VIPR1: variants seen among roughly 807,000 people sequenced by gnomAD.
VIPR1 encodes the protein vasoactive intestinal peptide receptor 1, also known as vasoactive intestinal polypeptide receptor 1.
VIPR1 carries 59 observed loss-of-function variants against 58.8 expected under a neutral mutation model. That is an observed-to-expected ratio of 1.00 (90% confidence interval 0.81 to 1.25). The LOEUF is 1.25. Among genes scored for constraint, VIPR1 ranks in the 50% most tolerant of loss-of-function variants. The pLI is 0.00. For missense variants in VIPR1, 626 were observed against 602.7 expected (o/e 1.04, Z -0.40); for synonymous variants, 251 against 242.1 (o/e 1.04, Z -0.34).
At chr3:42,490,120 G>A (rs1254947547) in intron 1 of VIPR1, among the ~76,000 whole-genome samples, 1 of 152,088 alleles carries the variant, frequency 6.6e-6, no homozygotes, top group Non-Finnish European at 1.5e-5. Flanking sequence ...CCCAGGGCAG[G>A]AGTTCAGCTT....
At chr3:42,499,270 C>T (rs1577192979), upstream of VIPR1, among the ~76,000 whole-genome samples, 1 of 152,216 alleles carries the variant, frequency 6.6e-6, no homozygotes, top group Admixed American at 6.5e-5. Flanking sequence ...AACCTCACCA[C>T]CATGGAGCCC....
chr3:42,505,927 C>T (rs554422068), intron 1 of VIPR1, among the ~76,000 whole-genome samples: 2 of 152,274 alleles, frequency 1.3e-5, no homozygotes, highest in East Asian at 3.9e-4. Context: ...CCCTGGAGCA[C>T]CAGGGTCTCT....
intron 1 of VIPR1, among the ~76,000 whole-genome samples, chr3:42,511,115 T>C (rs1235141968): frequency 2.0e-5 from 3 of 152,166 alleles, no homozygotes; most frequent in South Asian, 2.1e-4. Context: ...CATCAGCTCA[T>C]GTTGCTAGCA....
intron 1 of VIPR1, among the ~76,000 whole-genome samples, chr3:42,505,479 C>T (rs1227142663): frequency 6.6e-6 from 1 of 152,246 alleles, no homozygotes; most frequent in Non-Finnish European, 1.5e-5. Context: ...CAGAGGCGGA[C>T]CACAGCTGCC....
At position 42,492,968 on chromosome 3, in the gene VIPR1, G is replaced by A. The variant is rs137868745; in HGVS notation, c.-245+3290G>A. On this transcript the variant is annotated intron_variant, in intron 1 of 13. Coordinates refer to the VIPR1 transcript ENST00000433647. ...GCAGAACCAGCAACCAATGGAGGGC[G>A]AGAAGGAAGGAGATCTCTAACATTT... 3.7e-4 allele frequency among the ~76,000 whole-genome samples: 56 copies of A among 152,372 alleles called. No individual in the cohort carries two copies. In the East Asian group the frequency reaches 7.7e-3, roughly 21 times the overall value.
At chr3:42,511,786 C>T (rs1367584222) in intron 1 of VIPR1, 1 of 152,122 alleles carries the variant, frequency 6.6e-6, no homozygotes, top group Admixed American at 6.5e-5. Context: ...TAGCCAGTAC[C>T]CAGATTCCTC....
chr3:42,499,225 GT>G (rs1429010662), upstream of VIPR1, among the ~76,000 whole-genome samples: 2 of 107,078 alleles, frequency 1.9e-5, no homozygotes, highest in Non-Finnish European at 4.6e-5. Context: ...AGGCCACTCT[GT>G]GGCCCCCCCA....
At chr3:42,535,297 G>A in intron 11 of VIPR1, 46 bp from the exon 12 acceptor site, 3 of 1,611,078 alleles carry the variant, frequency 1.9e-6, no homozygotes, top group Non-Finnish European at 2.5e-6. Flanking sequence ...AGGGCTGGGG[G>A]CTTCTGGTCT....
At position 42,536,314 on chromosome 3, in the gene VIPR1, TC is replaced by T; in HGVS notation, c.*36del. 6.8e-7 allele frequency: 1 copy of T among 1,475,936 alleles called. No homozygotes were observed. Among genetic ancestry groups the T allele is most frequent in the Non-Finnish European group, 9.0e-7 (1 of 1,117,148 alleles). The allele number at this position is 1,475,936 out of a possible 1,614,324, so 91.4% of individuals were successfully genotyped here. The stretch of plus-strand genomic sequence containing the variant: ...GATCCCAGGGGCCCAAGGCGGCCCC[TC>T]CCGCCCCTTCCCACTCACCCCGGCA... On this transcript the variant is annotated 3_prime_UTR_variant, in exon 13 of 13. Transcript: ENST00000325123.
At chr3:42,508,882 T>C (rs1158053160) in intron 1 of VIPR1, 1 of 152,226 alleles carries the variant, frequency 6.6e-6, no homozygotes, top group Non-Finnish European at 1.5e-5. Context: ...GCTTTCTCTC[T>C]GGCTCCTCCA....
intron 2 of VIPR1, among the ~76,000 whole-genome samples, chr3:42,515,443 C>A (rs1365566790): frequency 6.6e-6 from 1 of 152,218 alleles, no homozygotes; most frequent in African/African-American, 2.4e-5. Flanking sequence ...TGCAGACAGG[C>A]TTTGGCAGGC....
At chr3:42,532,739 G>A (rs1181688500) in intron 10 of VIPR1, 4 of 253,050 alleles carry the variant, frequency 1.6e-5, no homozygotes, top group Non-Finnish European at 3.1e-5. Context: ...GTCCACCAAT[G>A]AGACAGCCAT....
At chr3:42,497,293 C>T (rs1364608870) in intron 1 of VIPR1, among the ~76,000 whole-genome samples, 1 of 152,168 alleles carries the variant, frequency 6.6e-6, no homozygotes, top group Non-Finnish European at 1.5e-5. Context: ...CCTCTCTGCC[C>T]TTCCTACCTT....
In VIPR1 at chr3:42,528,101, C is replaced by G. The variant is rs115435479; in HGVS notation, c.614C>G (p.Ser205Trp). Reference sequence around the variant, plus strand: ...TTGGCCCTCTTCGACAGCGGGGAGTCGGACCAGTGCTCCGAGGGCTCGGTG... The same window carrying G: ...TTGGCCCTCTTCGACAGCGGGGAGTGGGACCAGTGCTCCGAGGGCTCGGTG... Reference protein sequence around the residue: ...KDLALFDSGESDQCSEGSVGC... With the variant: ...KDLALFDSGEWDQCSEGSVGC... The change falls in exon 6 of 13, where the codon TCG becomes TGG. Residue 205 changes from serine (S) to tryptophan (W), a missense_variant. Physicochemically the swap from Ser to Trp is radical, Grantham distance 177. Transcript: ENST00000325123. 1.6e-4 allele frequency: 264 copies of G among 1,613,718 alleles called. No homozygotes were observed. The highest frequency in any genetic ancestry group is 5.5e-4 in the Admixed American group (33 of 59,996).
intron 1 of VIPR1, among the ~76,000 whole-genome samples, chr3:42,511,469 A>T (rs95923): frequency 0.066 from 10,089 of 152,264 alleles, 1,101 homozygotes; most frequent in African/African-American, 0.23. Context: ...AAGAGGGTTC[A>T]TCAGAACTCC....
At chr3:42,510,241 A>C (rs1363050925) in intron 1 of VIPR1, among the ~76,000 whole-genome samples, 6 of 151,994 alleles carry the variant, frequency 3.9e-5, no homozygotes, top group African/African-American at 1.2e-4. Flanking sequence ...CTCCACTTCT[A>C]ATTGTCTAAC....
At chr3:42,513,912 A>G in intron 2 of VIPR1, 58 bp downstream of exon 2, 1 of 1,517,918 alleles carries the variant, frequency 6.6e-7, no homozygotes, top group Non-Finnish European at 8.9e-7. Context: ...AAGATTCCTC[A>G]TGTCTCAAGC....
intron 10 of VIPR1, chr3:42,532,951 G>C (rs1701648892): frequency 6.4e-6 from 1 of 155,754 alleles, no homozygotes; most frequent in Non-Finnish European, 1.4e-5. Context: ...GGGAGAAGGG[G>C]GCACAATGTC....
At chr3:42,495,662 C>T (rs1699745269) in intron 1 of VIPR1, among the ~76,000 whole-genome samples, 1 of 152,052 alleles carries the variant, frequency 6.6e-6, no homozygotes, top group African/African-American at 2.4e-5. Context: ...GCAGCAGATA[C>T]TCTCTTGCTG....
Sources: allele counts gnomAD v4.1 joint callset (sites outside exome capture counted in the v4.1 genomes callset), GRCh38; gene constraint gnomAD v4.1.1; transcripts MANE v1.5; gene names NCBI Gene and HGNC (gene_info 2026-07-23, HGNC 2026-07-21).